FREM3: variants seen among roughly 807,000 people sequenced by gnomAD.
The protein encoded by FREM3 is FRAS1 related extracellular matrix 3.
Under a neutral mutation model 129.1 loss-of-function variants are expected in FREM3, and 105 were observed. The observed-to-expected ratio is 0.81, with a 90% confidence interval of 0.69 to 0.96. The LOEUF (loss-of-function observed/expected upper bound fraction) is 0.96, where lower values mean the gene tolerates loss of function less well. Ranked by LOEUF, FREM3 falls within the 40% of genes least tolerant of loss-of-function variation. The pLI is 0.00. For missense variants in FREM3, 2,593 were observed against 2,666.3 expected, an observed-to-expected ratio of 0.97 and a Z score of 0.61; for synonymous variants, 1,014 against 1,044.9, an observed-to-expected ratio of 0.97 and a Z score of 0.57.
At chr4:143,662,573 G>A (rs888994230) in intron 2 of FREM3, among the ~76,000 whole-genome samples, 1 of 150,492 alleles carries the variant, frequency 6.6e-6, no homozygotes, top group Non-Finnish European at 1.5e-5. Context: ...ATTTGGGGTG[G>A]AGAGTTCTGT....
At chr4:143,587,284 A>G (rs1368897875) in intron 6 of FREM3, among the ~76,000 whole-genome samples, 2 of 152,228 alleles carry the variant, frequency 1.3e-5, no homozygotes, top group South Asian at 2.1e-4. Context: ...GGGAAGCCAT[A>G]TTTATTTCCT....
chr4:143,627,389 T>C (rs1383058860), intron 3 of FREM3, among the ~76,000 whole-genome samples: 3 of 152,114 alleles, frequency 2.0e-5, no homozygotes, highest in Admixed American at 2.0e-4. Context: ...AGATGTAACT[T>C]GCTAGAAAGA....
At chr4:143,608,255 A>G (rs185927780) in intron 6 of FREM3, among the ~76,000 whole-genome samples, 1 of 152,184 alleles carries the variant, frequency 6.6e-6, no homozygotes, top group African/African-American at 2.4e-5. Context: ...AAGGACTTGA[A>G]TGTCTGCTTT....
intron 2 of FREM3, among the ~76,000 whole-genome samples, chr4:143,679,217 C>T (rs1406836038): frequency 6.6e-6 from 1 of 152,184 alleles, no homozygotes; most frequent in Non-Finnish European, 1.5e-5. Context: ...TTAGACTTAA[C>T]ACTTTCACTT....
At chr4:143,592,801 G>A (rs901058966) in intron 6 of FREM3, among the ~76,000 whole-genome samples, 18 of 152,126 alleles carry the variant, frequency 1.2e-4, no homozygotes, top group African/African-American at 4.3e-4. Flanking sequence ...GCTAGATTGG[G>A]GAAGTTCTCC....
Position 143,696,564 on chromosome 4 carries a change from A to G in FREM3, c.4112T>C (p.Leu1371Pro). 1 of 1,537,500 alleles carries G rather than the reference A, an allele frequency of 6.5e-7. No individual in the cohort carries two copies. Among genetic ancestry groups the G allele is most frequent in the African/African-American group, 1.4e-5 (1 of 73,162 alleles). ...CTCATCCTGGGTAAAGTTCATTCCC[A>G]GAGTAAGATTGTTCCTCACTTCTCC... The part of the protein sequence containing the change: ...PRGEVRNNLT[L>P]GMNFTQDEIN... The change falls in exon 1 of 8, where the codon CTG becomes CCG. Residue 1371 changes from leucine (L) to proline (P), a missense_variant. Around this residue, in one of 2 missense-constraint regions of FREM3, gnomAD observed 2,276 missense variants for 2,267.2 expected, o/e 1.00. Transcript: ENST00000329798.
At chr4:143,660,553 A>C (rs1391326653) in intron 2 of FREM3, among the ~76,000 whole-genome samples, 1 of 152,076 alleles carries the variant, frequency 6.6e-6, no homozygotes, top group Non-Finnish European at 1.5e-5. Context: ...CTTAGGATTG[A>C]CTTGGCGATG....
chr4:143,647,526 T>G (rs553496102), intron 2 of FREM3, among the ~76,000 whole-genome samples: 1 of 152,180 alleles, frequency 6.6e-6, no homozygotes, highest in Non-Finnish European at 1.5e-5. Context: ...CCCAGGGCCT[T>G]GCTGCTTTGT....
At chr4:143,616,753 A>C (rs183623540) in intron 5 of FREM3, among the ~76,000 whole-genome samples, 2,230 of 151,156 alleles carry the variant, frequency 0.015, 49 homozygotes, top group African/African-American at 0.052. Context: ...AGACGGCGAC[A>C]CTGCACTCCA....
intron 2 of FREM3, among the ~76,000 whole-genome samples, chr4:143,686,204 G>A (rs1350227482): frequency 6.6e-6 from 1 of 152,108 alleles, no homozygotes; most frequent in Non-Finnish European, 1.5e-5. Context: ...AAATTTTAAA[G>A]CAACAGCCGT....
chr4:143,663,157 T>C (rs1378001537), intron 2 of FREM3, among the ~76,000 whole-genome samples: 1 of 152,158 alleles, frequency 6.6e-6, no homozygotes, highest in African/African-American at 2.4e-5. Flanking sequence ...GCTCGTTAGT[T>C]GATGCAGTTT....
rs1040226738 is a variant in FREM3, at chr4:143,700,534, C to T, written c.142G>A (p.Ala48Thr). The T allele has an allele frequency of 7.2e-6, 11 of 1,519,382 alleles. No homozygotes were observed. The highest frequency in any genetic ancestry group is 8.8e-6 in the Non-Finnish European group (10 of 1,136,890). The allele number at this position is 1,519,382 out of a possible 1,614,324, so 94.1% of individuals were successfully genotyped here. Residue 48 changes from alanine (A) to threonine (T), a missense_variant, in exon 1 of 8, where the codon GCC (alanine) becomes ACC (threonine). Ala to Thr is a moderately conservative substitution (Grantham distance 58, BLOSUM62 0). This residue lies in a region of FREM3 where 2,276 missense variants were observed against 2,267.2 expected (regional missense o/e 1.00). Coordinates refer to ENST00000329798, the MANE Select transcript of FREM3 (RefSeq NM_001168235.2). Reference protein sequence around the residue: ...TEPDPALYLPARGALDGTRPD... With the variant: ...TEPDPALYLPTRGALDGTRPD... The stretch of plus-strand genomic sequence containing the variant: ...CGAGTGCCGTCAAGCGCACCCCGGG[C>T]GGGCAGGTAAAGCGCCGGGTCGGGC...
At chr4:143,583,013 T>G (rs1361360521) in intron 7 of FREM3, among the ~76,000 whole-genome samples, 11 of 151,996 alleles carry the variant, frequency 7.2e-5, no homozygotes, top group Non-Finnish European at 1.5e-5. Flanking sequence ...TACAACTAGC[T>G]TGGACTACAG....
intron 6 of FREM3, among the ~76,000 whole-genome samples, chr4:143,590,461 T>G (rs1350311939): frequency 2.0e-5 from 3 of 152,242 alleles, no homozygotes; most frequent in Non-Finnish European, 4.4e-5. Context: ...TTGTTGAATT[T>G]TGTCAAAGGC....
At chr4:143,666,334 A>G (rs1739859482) in intron 2 of FREM3, among the ~76,000 whole-genome samples, 1 of 152,150 alleles carries the variant, frequency 6.6e-6, no homozygotes, top group South Asian at 2.1e-4. Context: ...CAGTTTCTAA[A>G]AAAGCTAAAC....
At chr4:143,642,545 C>T (rs1403985864) in intron 2 of FREM3, among the ~76,000 whole-genome samples, 3 of 151,922 alleles carry the variant, frequency 2.0e-5, no homozygotes. Flanking sequence ...GGGAAAGAGT[C>T]TCTTCCATAA....
chr4:143,650,199 G>A (rs562923422), intron 2 of FREM3, among the ~76,000 whole-genome samples: 38 of 152,306 alleles, frequency 2.5e-4, no homozygotes, highest in African/African-American at 8.2e-4. Flanking sequence ...TAGTAGTGTA[G>A]ACCTAAAAAT....
At chr4:143,662,157 T>C (rs1012381562) in intron 2 of FREM3, among the ~76,000 whole-genome samples, 10 of 152,078 alleles carry the variant, frequency 6.6e-5, no homozygotes, top group Non-Finnish European at 1.3e-4. Flanking sequence ...GCTCTTGCTT[T>C]TCTAGTTCTT....
intron 6 of FREM3, among the ~76,000 whole-genome samples, chr4:143,605,316 T>C (rs1289514823): frequency 6.6e-6 from 1 of 152,142 alleles, no homozygotes; most frequent in Admixed American, 6.6e-5. Flanking sequence ...GGTATACTAT[T>C]TCTTCAAGAA....
Sources: allele counts gnomAD v4.1 joint callset (sites outside exome capture counted in the v4.1 genomes callset), GRCh38; gene constraint gnomAD v4.1.1; regional missense constraint gnomAD v4.1.1; transcripts MANE v1.5; gene names NCBI Gene and HGNC (gene_info 2026-07-23, HGNC 2026-07-21).